The following GCLC variants were observed in gnomAD, a reference collection of about 807,000 sequenced individuals.
The protein encoded by GCLC is glutamate--cysteine ligase catalytic subunit.
A neutral mutation model predicts 81.5 loss-of-function variants in GCLC; 30 were observed. That is an observed-to-expected ratio of 0.37 (90% CI 0.28 to 0.50). The LOEUF (loss-of-function observed/expected upper bound fraction) is 0.50, where lower values mean the gene tolerates loss of function less well. GCLC is among the 20% of genes least tolerant of loss of function. The pLI, the probability that GCLC is intolerant of heterozygous loss-of-function variation, is 0.96. For synonymous variants in GCLC, 262 were observed against 273.3 expected (o/e 0.96, Z 0.41); for missense variants, 556 against 777.4 (o/e 0.72, Z 3.39).
At chr6:53,505,769 T>C (rs1275742119) in intron 11 of GCLC, 34 bp downstream of exon 11, 1 of 1,225,856 alleles carries the variant, frequency 8.2e-7, no homozygotes, top group African/African-American at 1.5e-5. Context: ...AAAGAGTACT[T>C]TTGAGTCAGT....
At position 53,520,966 on chromosome 6, in the gene GCLC, G is replaced by C. The variant is rs781424463; in HGVS notation, c.264-6C>G. 6.2e-7 allele frequency: 1 copy of C among 1,608,678 alleles called. No individual in the cohort carries two copies. The highest frequency in any genetic ancestry group is 1.1e-5 in the South Asian group (1 of 90,984). The stretch of plus-strand genomic sequence containing the variant: ...GTCTCCAAAGGGTAGGATGGCTACG[G>C]AGGAGAAATAACTTAGTTCCATCTT... On this transcript the variant is annotated splice_region_variant and splice_polypyrimidine_tract_variant and intron_variant, in intron 2 of 15. Coordinates refer to ENST00000650454, the MANE Select transcript of GCLC (RefSeq NM_001498.4).
At chr6:53,513,866 T>G (rs1441068541) in intron 6 of GCLC, 2 of 292,954 alleles carry the variant, frequency 6.8e-6, no homozygotes, top group East Asian at 1.6e-4. Flanking sequence ...ACCACCTCAC[T>G]AGCCTGTCAC....
intron 1 of GCLC, among the ~76,000 whole-genome samples, chr6:53,542,838 A>G (rs477839): frequency 0.44 from 66,148 of 151,750 alleles, 15,050 homozygotes; most frequent in African/African-American, 0.57. Flanking sequence ...GTGAAACCCT[A>G]TCTCTACTAA....
chr6:53,527,718 A>G (rs368567870), intron 1 of GCLC, among the ~76,000 whole-genome samples: 3 of 152,348 alleles, frequency 2.0e-5, no homozygotes, highest in Middle Eastern at 6.8e-3. Context: ...AAGCCGGTCT[A>G]GAAGATCAGA....
At chr6:53,522,742 T>C (rs1763020542) in intron 1 of GCLC, 1 of 485,970 alleles carries the variant, frequency 2.1e-6, no homozygotes, top group South Asian at 2.1e-5. Context: ...CCATCCCTTC[T>C]TTCCTCTGTC....
At chr6:53,542,122 G>A (rs1763368583) in intron 1 of GCLC, among the ~76,000 whole-genome samples, 1 of 152,174 alleles carries the variant, frequency 6.6e-6, no homozygotes, top group Non-Finnish European at 1.5e-5. Flanking sequence ...CTTCCAAAGT[G>A]TTGGGATTAC....
chr6:53,509,536 C>T (rs115735633), intron 6 of GCLC: 8,805 of 511,872 alleles, frequency 0.017, 117 homozygotes, highest in Middle Eastern at 0.071. Context: ...CACAGACATA[C>T]GATGATGTTT....
At chr6:53,518,585 T>G (rs1299703836) in intron 3 of GCLC, among the ~76,000 whole-genome samples, 1 of 152,264 alleles carries the variant, frequency 6.6e-6, no homozygotes, top group African/African-American at 2.4e-5. Context: ...CTATCCCATA[T>G]GGAACCATTC....
chr6:53,522,489 T>G lies in GCLC; in HGVS notation c.189A>C (p.Lys63Asn). The G allele has an allele frequency of 6.2e-7, 1 of 1,611,748 alleles. No individual in the cohort carries two copies. Among genetic ancestry groups the G allele is most frequent in the Non-Finnish European group, 8.5e-7 (1 of 1,177,878 alleles). ...YMLVSFDHEN[K>N]KVRLVLSGEK... ...CCCCAGACAGGACCAACCGGACTTT[T>G]TTATTTTCATGATCAAAAGATACCA... Residue 63 changes from lysine (K) to asparagine (N), a missense_variant, in exon 2 of 16, where the codon AAA becomes AAC. This residue lies in a region of GCLC where 234 missense variants were observed against 303.8 expected (regional missense o/e 0.77). Transcript: ENST00000650454.
chr6:53,537,350 C>T (rs1370998745), intron 1 of GCLC, among the ~76,000 whole-genome samples: 35 of 152,200 alleles, frequency 2.3e-4, no homozygotes, highest in Admixed American at 2.1e-3. Context: ...TAGAGAGATG[C>T]GACAACTTTG....
At position 53,509,262 on chromosome 6, in the gene GCLC, T is replaced by C. The variant is rs764162615; in HGVS notation, c.754-12A>G. 3.9e-6 allele frequency: 6 copies of C among 1,538,264 alleles called. No individual in the cohort carries two copies. Among genetic ancestry groups the C allele is most frequent in the African/African-American group, 2.7e-5 (2 of 73,420 alleles). ...GCTTGGAATGTCACCTGTTTAAGAATTGCAAAGTTATTAACACCAAGGAAT... is the reference window on the plus strand; with the variant it reads ...GCTTGGAATGTCACCTGTTTAAGAACTGCAAAGTTATTAACACCAAGGAAT... On this transcript the variant is annotated splice_polypyrimidine_tract_variant and intron_variant, in intron 6 of 15. Transcript: ENST00000650454.
intron 1 of GCLC, among the ~76,000 whole-genome samples, chr6:53,539,788 A>G (rs1763321345): frequency 6.6e-6 from 1 of 152,036 alleles, no homozygotes; most frequent in African/African-American, 2.4e-5. Context: ...TTTATCTACC[A>G]CACACACTTT....
intron 1 of GCLC, among the ~76,000 whole-genome samples, chr6:53,531,230 G>C (rs1006524136): frequency 1.3e-5 from 2 of 152,156 alleles, no homozygotes; most frequent in Non-Finnish European, 2.9e-5. Flanking sequence ...ATTGGTTACA[G>C]CTCCTTTGTG....
intron 12 of GCLC, chr6:53,505,111 T>C: frequency 2.5e-6 from 1 of 399,164 alleles, no homozygotes; most frequent in South Asian, 2.5e-5. Context: ...AGTTACACTT[T>C]CCCTCCCCAT....
chr6:53,544,369 GC>G, intron 1 of GCLC, 126 bp downstream of exon 1: 1 of 932,188 alleles, frequency 1.1e-6, no homozygotes, highest in Non-Finnish European at 1.6e-6. Flanking sequence ...GCCGGGAGGC[GC>G]TCGAGGACCC....
At position 53,516,148 on chromosome 6, in the gene GCLC, A is replaced by G; in HGVS notation, c.521T>C (p.Phe174Ser). 1 of 1,613,746 alleles carries G rather than the reference A, an allele frequency of 6.2e-7. No individual in the cohort carries two copies. Among genetic ancestry groups the G allele is most frequent in the Non-Finnish European group, 8.5e-7 (1 of 1,179,616 alleles). ...PVEGGASKSL[F>S]FPDEAINKHP... ...CTTGTTTATTGCTTCATCTGGAAAG[A>G]AGAGGGACTTGGAAGCTCCTCCTTC... Residue 174 changes from phenylalanine (F) to serine (S), a missense_variant, in exon 4 of 16, where the codon TTC (phenylalanine) becomes TCC (serine). This residue lies in a region of GCLC where 234 missense variants were observed against 303.8 expected (regional missense o/e 0.77). Coordinates refer to ENST00000650454, the MANE Select transcript of GCLC (RefSeq NM_001498.4).
At chr6:53,515,940 G>T (rs1259499881) in intron 4 of GCLC, among the ~76,000 whole-genome samples, 169 bp downstream of exon 4, 1 of 152,118 alleles carries the variant, frequency 6.6e-6, no homozygotes, top group Non-Finnish European at 1.5e-5. Context: ...GAAGCCTGGG[G>T]GTACTGAAGA....
Position 53,543,782 on chromosome 6 carries a change from ATCTCTAG to A in GCLC, c.150+707_150+713del, listed in dbSNP as rs1237306938. ...CCTACTGAGAATCTAGAGACATTTCATCTCTAGGCAGAACACTGGTTTGTAAAGTTTA... is the reference window on the plus strand; with the variant it reads ...CCTACTGAGAATCTAGAGACATTTCAGCAGAACACTGGTTTGTAAAGTTTA... On this transcript the variant is annotated intron_variant, in intron 1 of 15. Transcript: ENST00000650454. 6.5e-3 allele frequency among the ~76,000 whole-genome samples: 983 copies of A among 152,352 alleles called. 9 individuals carry two copies. The highest frequency in any genetic ancestry group is 0.022 in the African/African-American group (915 of 41,578).
chr6:53,509,451 G>A (rs1764691637), intron 6 of GCLC: 2 of 612,468 alleles, frequency 3.3e-6, no homozygotes, highest in East Asian at 5.5e-5. Context: ...ATGTTCCACT[G>A]CCTATAGACA....
Sources: allele counts gnomAD v4.1 joint callset (sites outside exome capture counted in the v4.1 genomes callset), GRCh38; gene constraint gnomAD v4.1.1; regional missense constraint gnomAD v4.1.1; transcripts MANE v1.5; gene names NCBI Gene and HGNC (gene_info 2026-07-23, HGNC 2026-07-21).